TPRG1: variants seen among roughly 807,000 people sequenced by gnomAD.
The protein encoded by TPRG1 is tumor protein p63-regulated gene 1 protein.
TPRG1 carries 29 observed loss-of-function variants against 29.3 expected under a neutral mutation model. That is an observed-to-expected ratio of 0.99 (90% CI 0.74 to 1.35). The LOEUF (loss-of-function observed/expected upper bound fraction) is 1.35. TPRG1 is among the 40% of genes most tolerant of loss of function. TPRG1 has a pLI of 0.00. For synonymous variants in TPRG1, 130 were observed against 116.8 expected (o/e 1.11, Z -0.73); for missense variants, 327 against 335.0 (o/e 0.98, Z 0.19).
At chr3:189,199,203 G>A (rs566128576) in intron 1 of TPRG1, among the ~76,000 whole-genome samples, 18 of 152,248 alleles carry the variant, frequency 1.2e-4, no homozygotes, top group East Asian at 7.7e-4. Flanking sequence ...ATTCATGACC[G>A]TTATCACAAT....
At chr3:189,110,981 A>G (rs986520943) in intron 1 of TPRG1, among the ~76,000 whole-genome samples, 1 of 151,864 alleles carries the variant, frequency 6.6e-6, no homozygotes, top group Non-Finnish European at 1.5e-5. Context: ...TACAGCTTTA[A>G]GTAAGCCTGG....
chr3:189,199,788 G>T (rs1396819187), intron 1 of TPRG1, among the ~76,000 whole-genome samples: 3 of 152,106 alleles, frequency 2.0e-5, no homozygotes, highest in African/African-American at 7.2e-5. Context: ...GCTGATCCAG[G>T]CGAATCTCTT....
intron 4 of TPRG1, among the ~76,000 whole-genome samples, chr3:189,085,667 A>G (rs1717888369): frequency 6.6e-6 from 1 of 152,196 alleles, no homozygotes; most frequent in South Asian, 2.1e-4. Context: ...CTGAGATTAC[A>G]ACTTTCCTTC....
At chr3:189,018,539 G>T (rs1200496983) in intron 3 of TPRG1, among the ~76,000 whole-genome samples, 2 of 128,926 alleles carry the variant, frequency 1.6e-5, no homozygotes, top group Non-Finnish European at 3.3e-5. Flanking sequence ...TCAGATAGTT[G>T]TAGATATGCG....
chr3:189,296,971 C>CTCTTCT (rs57313799), intron 4 of TPRG1, among the ~76,000 whole-genome samples: 1 of 151,490 alleles, frequency 6.6e-6, no homozygotes, highest in East Asian at 2.0e-4. Context: ...CTGATAAACC[C>CTCTTCT]TCTTCTTCTT....
At chr3:189,252,419 C>T (rs1194258950) in intron 4 of TPRG1, among the ~76,000 whole-genome samples, 1 of 152,146 alleles carries the variant, frequency 6.6e-6, no homozygotes, top group Non-Finnish European at 1.5e-5. Context: ...TAACTAGTAG[C>T]TAGTACATAT....
At chr3:189,030,249 G>A (rs1276113507) in intron 4 of TPRG1, among the ~76,000 whole-genome samples, 1 of 152,110 alleles carries the variant, frequency 6.6e-6, no homozygotes, top group Non-Finnish European at 1.5e-5. Context: ...AGGAAATTGT[G>A]TGAGATGAAT....
intron 2 of TPRG1, among the ~76,000 whole-genome samples, chr3:189,214,333 C>CA (rs1432983776): frequency 4.6e-5 from 7 of 151,848 alleles, no homozygotes; most frequent in African/African-American, 1.7e-4. Flanking sequence ...AAGAGAGACC[C>CA]AAAAAAATAC....
chr3:189,293,517 A>T (rs1235068791), intron 4 of TPRG1, among the ~76,000 whole-genome samples: 1 of 152,038 alleles, frequency 6.6e-6, no homozygotes, highest in Non-Finnish European at 1.5e-5. Flanking sequence ...TACCCCACAG[A>T]TTCCTGCAGC....
At chr3:189,094,627 G>C (rs994084062) in intron 4 of TPRG1, among the ~76,000 whole-genome samples, 1 of 152,094 alleles carries the variant, frequency 6.6e-6, no homozygotes, top group East Asian at 1.9e-4. Flanking sequence ...TCTGACTCAC[G>C]CAGCTGTTTG....
At chr3:189,135,985 C>T (rs1304270053) in intron 3 of TPRG1, among the ~76,000 whole-genome samples, 6 of 152,102 alleles carry the variant, frequency 3.9e-5, no homozygotes, top group South Asian at 2.1e-4. Context: ...CTCAGAGGGC[C>T]GTGTACTTGA....
chr3:189,149,950 G>T (rs1435303137), intron 4 of TPRG1, among the ~76,000 whole-genome samples: 1 of 152,174 alleles, frequency 6.6e-6, no homozygotes, highest in Non-Finnish European at 1.5e-5. Context: ...CTTTAGCATC[G>T]ACTCTTGCCT....
At chr3:189,293,576 T>C (rs1486602499) in intron 4 of TPRG1, among the ~76,000 whole-genome samples, 1 of 152,192 alleles carries the variant, frequency 6.6e-6, no homozygotes, top group Non-Finnish European at 1.5e-5. Flanking sequence ...AAACTTGCAC[T>C]GACTGTTCTG....
chr3:189,273,482 G>C (rs1322522366), intron 4 of TPRG1, among the ~76,000 whole-genome samples: 1 of 152,146 alleles, frequency 6.6e-6, no homozygotes, highest in Non-Finnish European at 1.5e-5. Flanking sequence ...GTATGCGACA[G>C]GCAGTGTGAC....
intron 4 of TPRG1, among the ~76,000 whole-genome samples, chr3:189,034,564 A>T (rs564468486): frequency 1.8e-4 from 28 of 152,334 alleles, no homozygotes; most frequent in African/African-American, 5.0e-4. Context: ...TGGTGAAATA[A>T]AGGCAAATGA....
At chr3:189,201,420 G>GTGCC (rs1189227973) in intron 1 of TPRG1, among the ~76,000 whole-genome samples, 1 of 152,202 alleles carries the variant, frequency 6.6e-6, no homozygotes, top group African/African-American at 2.4e-5. Flanking sequence ...AAGCAAGGGA[G>GTGCC]TGCCTGGTGT....
intron 4 of TPRG1, among the ~76,000 whole-genome samples, chr3:189,300,817 A>G (rs1452679987): frequency 6.6e-6 from 1 of 152,160 alleles, no homozygotes; most frequent in Non-Finnish European, 1.5e-5. Context: ...TATCCTCAAT[A>G]TTCCTACTTT....
chr3:189,144,395 T>C lies in TPRG1; in HGVS notation c.-290-3189T>C, dbSNP rs565964476. ...GCCAAATACTCCTCCAGGTGACATATAGGCAATGAAGAGGAAACAGTACAT... is the reference window on the plus strand; with the variant it reads ...GCCAAATACTCCTCCAGGTGACATACAGGCAATGAAGAGGAAACAGTACAT... On this transcript the variant is annotated intron_variant, in intron 3 of 6. Coordinates refer to the TPRG1 transcript ENST00000412373. Among the ~76,000 whole-genome samples the C allele has an allele frequency of 5.0e-4, 76 of 152,200 alleles. 1 individual carries two copies. The highest frequency in any genetic ancestry group is 2.6e-4 in the Non-Finnish European group (18 of 68,026).
intron 4 of TPRG1, among the ~76,000 whole-genome samples, chr3:189,288,406 TA>T (rs373092022): frequency 7.2e-4 from 109 of 152,276 alleles, no homozygotes; most frequent in African/African-American, 2.5e-3. Flanking sequence ...TTATAGCACA[TA>T]GGATGACTAA....
Sources: gnomAD v4.1 joint callset for allele counts (sites outside exome capture counted in the v4.1 genomes callset) on GRCh38, gnomAD v4.1.1 for gene constraint, MANE v1.5 for transcripts, NCBI Gene and HGNC (gene_info 2026-07-23, HGNC 2026-07-21) for gene names.